The following NWD1 variants were observed in gnomAD, a reference collection of about 807,000 sequenced individuals.
The protein encoded by NWD1 is NACHT domain- and WD repeat-containing protein 1.
NWD1 carries 129 observed loss-of-function variants against 135.1 expected under a neutral mutation model. The ratio of observed to expected loss-of-function variants is 0.96; its 90% CI spans 0.83 to 1.11. The LOEUF is 1.11. Ranked by LOEUF, NWD1 falls within the 50% of genes least tolerant of loss-of-function variation. The pLI, the probability that NWD1 is intolerant of heterozygous loss-of-function variation, is 0.00. For missense variants in NWD1, 1,740 were observed against 1,851.3 expected (o/e 0.94, Z 1.10); for synonymous variants, 773 against 786.0 (o/e 0.98, Z 0.28).
intron 6 of NWD1, among the ~76,000 whole-genome samples, chr19:16,757,371 C>G (rs1968838113): frequency 6.6e-6 from 1 of 152,124 alleles, no homozygotes; most frequent in African/African-American, 2.4e-5. Context: ...CATGGAGGGG[C>G]TGGTTGGGAG....
rs968133662 is a variant in NWD1, at chr19:16,744,625, G to C, written c.403G>C (p.Ala135Pro). 13 of 1,535,002 alleles carry C rather than the reference G, an allele frequency of 8.5e-6. No homozygotes were observed. The highest frequency in any genetic ancestry group is 1.0e-5 in the Non-Finnish European group (12 of 1,146,502). Residue 135 changes from alanine (A) to proline (P), a missense_variant, in exon 5 of 19, where the codon GCC becomes CCC. By Grantham distance (27) the Ala-to-Pro change is conservative. Transcript: ENST00000524140. ...GTGEACEPEE[A>P]TLTSVLRSGA... Reference sequence around the variant, plus strand: ...TGGGGAGGCCTGTGAACCAGAGGAGGCCACCTTAACTTCTGTCCTACGCTC... The same window carrying C: ...TGGGGAGGCCTGTGAACCAGAGGAGCCCACCTTAACTTCTGTCCTACGCTC...
At chr19:16,755,983 C>A (rs996645095) in intron 6 of NWD1, among the ~76,000 whole-genome samples, 1 of 152,108 alleles carries the variant, frequency 6.6e-6, no homozygotes, top group Non-Finnish European at 1.5e-5. Context: ...TGACCAGAAG[C>A]CTTACCAGTA....
At position 16,807,995 on chromosome 19, in the gene NWD1, T is replaced by C; in HGVS notation, c.4146T>C (p.Phe1382=). ...ACGAGTGTGCAACTTCCAAAGCGTT[T>C]CCCTTGGAGACCCACAGGAGCCGAG... ...FLYECATSKA[F]PLETHRSRVA... Residue 1382 remains phenylalanine, a synonymous_variant, in exon 18 of 19, where the codon TTT becomes TTC. Transcript: ENST00000524140. The C allele has an allele frequency of 6.2e-7, 1 of 1,614,068 alleles. No homozygotes were observed. Among genetic ancestry groups the C allele is most frequent in the Non-Finnish European group, 8.5e-7 (1 of 1,180,008 alleles).
chr19:16,779,951 C>T (rs1969797907), intron 12 of NWD1, among the ~76,000 whole-genome samples: 1 of 152,112 alleles, frequency 6.6e-6, no homozygotes, highest in African/African-American at 2.4e-5. Flanking sequence ...TAGCTCACTT[C>T]CTGTGCATTG....
chr19:16,747,538 G>T (rs190727653), intron 5 of NWD1, among the ~76,000 whole-genome samples: 4 of 150,574 alleles, frequency 2.7e-5, no homozygotes, highest in Non-Finnish European at 5.9e-5. Flanking sequence ...CATCACAGGT[G>T]GCTAACTTAT....
intron 18 of NWD1, among the ~76,000 whole-genome samples, chr19:16,814,152 C>T (rs998177085): frequency 6.6e-5 from 10 of 151,840 alleles, no homozygotes; most frequent in African/African-American, 2.4e-4. Context: ...AGAGTGAGAC[C>T]CTGTCAAAAA....
At chr19:16,768,226 C>T (rs1969297445) in intron 10 of NWD1, among the ~76,000 whole-genome samples, 1 of 151,976 alleles carries the variant, frequency 6.6e-6, no homozygotes, top group Non-Finnish European at 1.5e-5. Flanking sequence ...GAACTCCTGA[C>T]CTCATGTGAT....
chr19:16,739,743 G>C (rs1025052182), intron 4 of NWD1, among the ~76,000 whole-genome samples: 1 of 152,112 alleles, frequency 6.6e-6, no homozygotes, highest in Admixed American at 6.6e-5. Flanking sequence ...CCGAGGCCGG[G>C]GACAGCTCCC....
At position 16,759,299 on chromosome 19, in the gene NWD1, A is replaced by T. The variant is rs1412070963; in HGVS notation, c.1844A>T (p.Asp615Val). Residue 615 changes from aspartate to valine, a missense_variant, in exon 7 of 19, where the codon GAT becomes GTT. Asp to Val is a radical substitution (Grantham distance 152). Transcript: ENST00000524140. ...DDEVLQDVYR[D>V]WTPPSKELLR... is the part of the protein sequence containing the mutation. Reference sequence around the variant, plus strand: ...GAGGTCCTGCAGGATGTGTACCGAGATTGGACCCCGCCCAGCAAGGAGCTG... The same window carrying T: ...GAGGTCCTGCAGGATGTGTACCGAGTTTGGACCCCGCCCAGCAAGGAGCTG... 5.0e-6 allele frequency: 8 copies of T among 1,613,944 alleles called. No homozygotes were observed. Among genetic ancestry groups the T allele is most frequent in the African/African-American group, 1.3e-5 (1 of 74,914 alleles).
chr19:16,740,584 C>A (rs1410454950), intron 4 of NWD1, among the ~76,000 whole-genome samples: 1 of 151,480 alleles, frequency 6.6e-6, no homozygotes, highest in African/African-American at 2.4e-5. Flanking sequence ...GTGATCCACC[C>A]ACCTCGGCCT....
intron 1 of NWD1, among the ~76,000 whole-genome samples, chr19:16,723,380 G>A (rs552196107): frequency 7.2e-5 from 11 of 152,242 alleles, no homozygotes; most frequent in African/African-American, 2.4e-4. Context: ...TAAATTTTTT[G>A]TAGAAATGGG....
intron 10 of NWD1, among the ~76,000 whole-genome samples, chr19:16,766,174 G>C (rs1319576140): frequency 6.6e-6 from 1 of 152,002 alleles, no homozygotes; most frequent in Non-Finnish European, 1.5e-5. Flanking sequence ...AATAATAACT[G>C]AGTACAAAAC....
chr19:16,810,118 A>G (rs1970879127), intron 18 of NWD1, among the ~76,000 whole-genome samples: 1 of 152,086 alleles, frequency 6.6e-6, no homozygotes, highest in Non-Finnish European at 1.5e-5. Flanking sequence ...TTGATGCTCA[A>G]TAAATGGCAA....
intron 9 of NWD1, 41 bp downstream of exon 9, chr19:16,763,986 C>T (rs372408350): frequency 1.7e-6 from 2 of 1,164,496 alleles, no homozygotes; most frequent in African/African-American, 3.0e-5. Flanking sequence ...AGCCTGGTGA[C>T]TGCACCACGC....
chr19:16,762,939 G>T (rs1037315713), intron 8 of NWD1, among the ~76,000 whole-genome samples: 1 of 151,422 alleles, frequency 6.6e-6, no homozygotes, highest in African/African-American at 2.4e-5. Context: ...GTGTGCCACT[G>T]CACCTGGCTA....
At chr19:16,723,820 C>G (rs940669083) in intron 1 of NWD1, among the ~76,000 whole-genome samples, 6 of 152,154 alleles carry the variant, frequency 3.9e-5, no homozygotes, top group African/African-American at 1.4e-4. Context: ...CTGAGCCCCC[C>G]ACGTAGCTGG....
intron 3 of NWD1, among the ~76,000 whole-genome samples, chr19:16,734,719 C>T (rs954247686): frequency 6.7e-6 from 1 of 148,428 alleles, no homozygotes; most frequent in Non-Finnish European, 1.5e-5. Context: ...TACAGGCACA[C>T]ACCACTACAC....
Position 16,744,507 on chromosome 19 carries a change from T to C in NWD1, c.285T>C (p.Thr95=). The C allele has an allele frequency of 6.5e-7, 1 of 1,535,920 alleles. No individual in the cohort carries two copies. Among genetic ancestry groups the C allele is most frequent in the Non-Finnish European group, 8.7e-7 (1 of 1,146,722 alleles). ...KEWEVLRDHL[T]ARPSDLELVA... ...GGGAGGTATTGAGGGACCATCTGAC[T>C]GCCAGGCCAAGTGACCTGGAGCTGG... The change falls in exon 5 of 19, where the codon ACT becomes ACC. Residue 95 remains threonine (T), a synonymous_variant. Coordinates refer to ENST00000524140, the MANE Select transcript of NWD1 (RefSeq NM_001007525.5).
At chr19:16,741,818 A>T (rs776855185) in intron 4 of NWD1, among the ~76,000 whole-genome samples, 2 of 151,694 alleles carry the variant, frequency 1.3e-5, no homozygotes, top group Non-Finnish European at 2.9e-5. Context: ...TTTGGCTAAG[A>T]CTCCAAGGTT....
Sources: gnomAD v4.1 joint callset for allele counts (sites outside exome capture counted in the v4.1 genomes callset) on GRCh38, gnomAD v4.1.1 for gene constraint, MANE v1.5 for transcripts, NCBI Gene and HGNC (gene_info 2026-07-23, HGNC 2026-07-21) for gene names.